FAT3: variants seen among roughly 807,000 people sequenced by gnomAD.
The protein encoded by FAT3 is FAT atypical cadherin 3, also known as protocadherin Fat 3.
In FAT3, 95 loss-of-function variants were observed where a neutral mutation model predicts 310.2. That is an observed-to-expected ratio of 0.31 (90% CI 0.26 to 0.36). The LOEUF is 0.36. FAT3 is among the 10% of genes least tolerant of loss of function. The pLI, the probability that FAT3 is intolerant of heterozygous loss-of-function variation, is 1.00. For missense variants in FAT3, 5,408 were observed against 5,715.6 expected, an observed-to-expected ratio of 0.95 and a Z score of 1.74; for synonymous variants, 2,314 against 2,192.9, an observed-to-expected ratio of 1.06 and a Z score of -1.54.
chr11:92,564,678 C>G (rs1382399681), intron 3 of FAT3, among the ~76,000 whole-genome samples: 2 of 152,026 alleles, frequency 1.3e-5, no homozygotes, highest in Non-Finnish European at 2.9e-5. Flanking sequence ...GAAGTTATAA[C>G]AAACTATCTC....
intron 7 of FAT3, among the ~76,000 whole-genome samples, chr11:92,781,747 A>G (rs1946759266): frequency 6.6e-6 from 1 of 152,212 alleles, no homozygotes; most frequent in Non-Finnish European, 1.5e-5. Flanking sequence ...AAAACTTTAC[A>G]TGCCTCATAA....
chr11:92,705,867 GTGTGAT>G (rs1359350389), intron 4 of FAT3, among the ~76,000 whole-genome samples: 1 of 98,772 alleles, frequency 1.0e-5, no homozygotes, highest in Non-Finnish European at 2.1e-5. Flanking sequence ...GATGGTGGTG[GTGTGAT>G]GGTGGTGGTG....
intron 1 of FAT3, among the ~76,000 whole-genome samples, chr11:92,267,045 C>CTGCCTGACACTGCCT (rs1408141569): frequency 2.4e-5 from 3 of 124,766 alleles, no homozygotes; most frequent in Non-Finnish European, 5.1e-5. Context: ...GAGAGGCTGC[C>CTGCCTGACACTGCCT]TGCCTGACAC....
chr11:92,433,431 G>T (rs1302696204), intron 2 of FAT3, among the ~76,000 whole-genome samples: 1 of 152,186 alleles, frequency 6.6e-6, no homozygotes, highest in East Asian at 1.9e-4. Context: ...TATCTAGGCT[G>T]GATAGCTCTG....
At chr11:92,317,194 T>C (rs1389626674) in intron 1 of FAT3, among the ~76,000 whole-genome samples, 2 of 152,224 alleles carry the variant, frequency 1.3e-5, no homozygotes, top group African/African-American at 2.4e-5. Flanking sequence ...AATATTTCTC[T>C]TCTCTCCCTG....
intron 4 of FAT3, among the ~76,000 whole-genome samples, chr11:92,760,013 A>C (rs1946103707): frequency 1.3e-5 from 2 of 152,172 alleles, no homozygotes; most frequent in Non-Finnish European, 2.9e-5. Context: ...ATGTTTGGTC[A>C]ACACAGGTCA....
intron 7 of FAT3, among the ~76,000 whole-genome samples, chr11:92,782,136 T>A (rs1946769885): frequency 6.6e-6 from 1 of 152,076 alleles, no homozygotes; most frequent in South Asian, 2.1e-4. Context: ...CAGCGAGAAC[T>A]TATTTCTGCA....
intron 1 of FAT3, among the ~76,000 whole-genome samples, chr11:92,295,298 A>G (rs1283633857): frequency 6.6e-6 from 1 of 152,156 alleles, no homozygotes; most frequent in Non-Finnish European, 1.5e-5. Flanking sequence ...AGAGCCTGCC[A>G]AGAGCACTTA....
intron 1 of FAT3, among the ~76,000 whole-genome samples, chr11:92,310,663 AT>A (rs1565217360): frequency 3.7e-4 from 56 of 152,220 alleles, no homozygotes; most frequent in African/African-American, 1.2e-3. Context: ...GTGTATATAT[AT>A]ATGTGTATGT....
At chr11:92,330,997 TGTGTGTGAGAGAGAGAGA>T (rs1458936894) in intron 1 of FAT3, among the ~76,000 whole-genome samples, 8 of 124,212 alleles carry the variant, frequency 6.4e-5, no homozygotes, top group African/African-American at 3.5e-4. Flanking sequence ...TGTGTGTGTG[TGTGTGTGAGAGAGAGAGA>T]GAGAGAAACA....
At chr11:92,657,870 T>C (rs1942637487) in intron 3 of FAT3, among the ~76,000 whole-genome samples, 1 of 152,180 alleles carries the variant, frequency 6.6e-6, no homozygotes, top group African/African-American at 2.4e-5. Flanking sequence ...ACATTTTTAG[T>C]GGTCTGACAA....
At chr11:92,827,095 G>A (rs1449199521) in intron 13 of FAT3, among the ~76,000 whole-genome samples, 1 of 152,182 alleles carries the variant, frequency 6.6e-6, no homozygotes, top group Non-Finnish European at 1.5e-5. Context: ...CACCTGGTAG[G>A]TTAGATCCCC....
chr11:92,347,216 G>T (rs1370808151), intron 1 of FAT3, among the ~76,000 whole-genome samples: 1 of 152,082 alleles, frequency 6.6e-6, no homozygotes, highest in Non-Finnish European at 1.5e-5. Flanking sequence ...CTTTGTGTTG[G>T]CATTGGCTCT....
intron 3 of FAT3, among the ~76,000 whole-genome samples, chr11:92,625,224 C>A (rs1941275283): frequency 6.6e-6 from 1 of 152,110 alleles, no homozygotes; most frequent in Admixed American, 6.5e-5. Context: ...AGTATTATGG[C>A]CCAATAACTG....
At chr11:92,344,325 A>T (rs1207318797) in intron 1 of FAT3, among the ~76,000 whole-genome samples, 1 of 152,100 alleles carries the variant, frequency 6.6e-6, no homozygotes. Flanking sequence ...TGTTCCTCCA[A>T]CGTCCTGCTG....
At chr11:92,670,171 G>C (rs569403100) in intron 3 of FAT3, among the ~76,000 whole-genome samples, 12 of 152,276 alleles carry the variant, frequency 7.9e-5, no homozygotes, top group Non-Finnish European at 1.6e-4. Flanking sequence ...TGTTCCTGGT[G>C]ACTTGGCATT....
intron 3 of FAT3, among the ~76,000 whole-genome samples, chr11:92,573,818 C>T (rs988868890): frequency 3.3e-5 from 5 of 152,048 alleles, no homozygotes; most frequent in South Asian, 2.1e-4. Flanking sequence ...TGGTTTTGGG[C>T]TTCTGGCCTC....
At chr11:92,557,309 G>A (rs571890029) in intron 3 of FAT3, among the ~76,000 whole-genome samples, 14 of 152,094 alleles carry the variant, frequency 9.2e-5, no homozygotes, top group Middle Eastern at 3.4e-3. Context: ...AGGTCTTTCC[G>A]TCTCCCAGGA....
At chr11:92,367,445 T>A (rs778733628) in intron 2 of FAT3, among the ~76,000 whole-genome samples, 4 of 151,774 alleles carry the variant, frequency 2.6e-5, no homozygotes, top group Non-Finnish European at 4.4e-5. Context: ...ATAAATAAAT[T>A]AATTAAAAAA....
Sources: gnomAD v4.1 joint callset for allele counts (sites outside exome capture counted in the v4.1 genomes callset) on GRCh38, gnomAD v4.1.1 for gene constraint, MANE v1.5 for transcripts, NCBI Gene and HGNC (gene_info 2026-07-23, HGNC 2026-07-21) for gene names.